The following ARHGEF28 variants were observed in gnomAD, a reference collection of about 807,000 sequenced individuals.
ARHGEF28 encodes 190 kDa guanine nucleotide exchange factor.
ARHGEF28 carries 152 observed loss-of-function variants against 206.6 expected under a neutral mutation model. The ratio of observed to expected loss-of-function variants is 0.74; its 90% confidence interval spans 0.64 to 0.84. The LOEUF (loss-of-function observed/expected upper bound fraction) is 0.84. Among genes scored for constraint, ARHGEF28 ranks in the 40% least tolerant of loss-of-function variants. The pLI is 0.00. For missense variants in ARHGEF28, 2,028 were observed against 2,073.2 expected (o/e 0.98, Z 0.42); for synonymous variants, 763 against 776.4 (o/e 0.98, Z 0.29).
intron 2 of ARHGEF28, among the ~76,000 whole-genome samples, chr5:73,719,147 C>T (rs554495910): frequency 6.6e-6 from 1 of 152,286 alleles, no homozygotes; most frequent in Admixed American, 6.5e-5. Flanking sequence ...GGGCTTTCCC[C>T]CTCTTTTCTT....
At chr5:73,693,613 T>C (rs1323764139) in intron 2 of ARHGEF28, among the ~76,000 whole-genome samples, 1 of 152,234 alleles carries the variant, frequency 6.6e-6, no homozygotes, top group Non-Finnish European at 1.5e-5. Flanking sequence ...TTTGCCTGAA[T>C]GCAACTTCTA....
intron 9 of ARHGEF28, among the ~76,000 whole-genome samples, chr5:73,811,544 G>A (rs1346583947): frequency 6.6e-6 from 1 of 152,190 alleles, no homozygotes; most frequent in Admixed American, 6.5e-5. Flanking sequence ...AAGAGTGAAT[G>A]TAAATGCTCT....
intron 2 of ARHGEF28, among the ~76,000 whole-genome samples, chr5:73,735,180 TATTA>T (rs575486100): frequency 2.0e-5 from 3 of 151,788 alleles, no homozygotes; most frequent in East Asian, 1.9e-4. Context: ...CTGGCTAATT[TATTA>T]ATTTATTAAG....
intron 2 of ARHGEF28, among the ~76,000 whole-genome samples, chr5:73,728,990 C>T (rs1260846549): frequency 6.6e-6 from 1 of 152,108 alleles, no homozygotes; most frequent in East Asian, 1.9e-4. Context: ...GATAAGAGGC[C>T]TCATAAATAT....
intron 4 of ARHGEF28, among the ~76,000 whole-genome samples, chr5:73,766,757 A>C (rs1752915865): frequency 6.6e-6 from 1 of 152,272 alleles, no homozygotes; most frequent in Non-Finnish European, 1.5e-5. Flanking sequence ...AGGCAATGTA[A>C]GTTATTACCA....
rs1339734602 is a variant in ARHGEF28, at chr5:73,901,255, G to A, written c.4045G>A (p.Asp1349Asn). Residue 1349 changes from aspartate (D) to asparagine (N), a missense_variant, in exon 31 of 36, where the codon GAC (aspartate) becomes AAC (asparagine). Around this residue, in one of 3 missense-constraint regions of ARHGEF28, gnomAD observed 803 missense variants for 768.0 expected, o/e 1.05. Coordinates refer to ENST00000513042, the MANE Select transcript of ARHGEF28 (RefSeq NM_001177693.2). ...TCCCGGGATCCAGGGTGTGGTAACC[G>A]ACTTGGCCGTCTCTGATGCAGGGGA... Reference protein sequence around the residue: ...VDPGIQGVVTDLAVSDAGEKV... With the variant: ...VDPGIQGVVTNLAVSDAGEKV... 6.8e-6 allele frequency: 11 copies of A among 1,613,226 alleles called. No homozygotes were observed. The highest frequency in any genetic ancestry group is 4.5e-5 in the East Asian group (2 of 44,834).
intron 1 of ARHGEF28, among the ~76,000 whole-genome samples, chr5:73,677,019 T>C (rs1746738185): frequency 6.6e-6 from 1 of 152,230 alleles, no homozygotes; most frequent in Admixed American, 6.5e-5. Flanking sequence ...TTGTCTTTTA[T>C]TTACACCATT....
chr5:73,866,086 A>G (rs1759688008), intron 18 of ARHGEF28, 73 bp downstream of exon 18: 6 of 1,207,534 alleles, frequency 5.0e-6, no homozygotes, highest in Middle Eastern at 2.0e-4. Context: ...TTATAAAAAT[A>G]TCTCCTTTTG....
In ARHGEF28 at chr5:73,798,343, C is replaced by G. The variant is rs968854764; in HGVS notation, c.1024+2952C>G. Among the ~76,000 whole-genome samples, 5 of 151,416 alleles carry G rather than the reference C, an allele frequency of 3.3e-5. 1 individual carries two copies. The South Asian group carries it at 1.0e-3, about 31-fold the overall frequency. ...TTCATTCTTTCCATTTTTTTTTGTACCCATCCTTTGTAATGTTTTATTGAC... is the reference window on the plus strand; with the variant it reads ...TTCATTCTTTCCATTTTTTTTTGTAGCCATCCTTTGTAATGTTTTATTGAC... On this transcript the variant is annotated intron_variant, in intron 9 of 35. Coordinates refer to ENST00000513042, the MANE Select transcript of ARHGEF28 (RefSeq NM_001177693.2).
chr5:73,845,563 G>A (rs1397047331), intron 11 of ARHGEF28, among the ~76,000 whole-genome samples: 1 of 152,128 alleles, frequency 6.6e-6, no homozygotes, highest in African/African-American at 2.4e-5. Flanking sequence ...AAACAGCCCA[G>A]TGACTCTGTT....
intron 2 of ARHGEF28, 131 bp downstream of exon 2, chr5:73,685,015 A>AC: frequency 1.2e-6 from 1 of 842,338 alleles, no homozygotes; most frequent in Non-Finnish European, 1.8e-6. Flanking sequence ...ACTGAGCGTT[A>AC]CTGTCTAGTT....
rs182988334 is a variant in ARHGEF28 at position 73,812,180 on chromosome 5, C to G, written c.1024+16789C>G. The stretch of plus-strand genomic sequence containing the variant: ...AAATTAAGTGGTCTCTCCCCTTTCT[C>G]CTCTTCTCCCTGTATGCCTCACTCA... On this transcript the variant is annotated intron_variant, in intron 9 of 35. Coordinates refer to ENST00000513042, the MANE Select transcript of ARHGEF28 (RefSeq NM_001177693.2). Among the ~76,000 whole-genome samples the G allele has an allele frequency of 4.1e-4, 62 of 152,242 alleles. No homozygotes were observed. In the East Asian group the frequency reaches 8.1e-3, roughly 20 times the overall value.
intron 7 of ARHGEF28, 148 bp downstream of exon 7, chr5:73,780,893 G>A: frequency 1.3e-6 from 1 of 745,378 alleles, no homozygotes; most frequent in Admixed American, 2.7e-5. Context: ...AAAGCCCCTG[G>A]GTCCTCGGAC....
intron 2 of ARHGEF28, among the ~76,000 whole-genome samples, chr5:73,690,971 T>G (rs1240882213): frequency 6.6e-6 from 1 of 151,964 alleles, no homozygotes; most frequent in Non-Finnish European, 1.5e-5. Context: ...CGCCGTGTCA[T>G]CCAGGCTGGG....
At chr5:73,760,554 GA>G (rs1308077722) in intron 4 of ARHGEF28, among the ~76,000 whole-genome samples, 1 of 152,162 alleles carries the variant, frequency 6.6e-6, no homozygotes, top group Admixed American at 6.5e-5. Flanking sequence ...ACTAGGGGTG[GA>G]GAGAATGTTC....
chr5:73,676,485 C>T lies in ARHGEF28; in HGVS notation c.-11-8356C>T, dbSNP rs557578089. Among the ~76,000 whole-genome samples, 23 of 152,198 alleles carry T rather than the reference C, an allele frequency of 1.5e-4. No individual in the cohort carries two copies. The South Asian group carries it at 2.7e-3, about 18-fold the overall frequency. On this transcript the variant is annotated intron_variant, in intron 1 of 35. Transcript: ENST00000513042. Reference sequence around the variant, plus strand: ...AACTCCTGACCTCAGGTGATCCACCCGCCTCAGACTCCCAAAGTACTGGGA... The same window carrying T: ...AACTCCTGACCTCAGGTGATCCACCTGCCTCAGACTCCCAAAGTACTGGGA...
At chr5:73,910,310 G>T (rs914886071) in intron 34 of ARHGEF28, among the ~76,000 whole-genome samples, 41 of 150,144 alleles carry the variant, frequency 2.7e-4, no homozygotes, top group Non-Finnish European at 3.7e-4. Context: ...GAACCCATGA[G>T]GCGGAGGTTG....
chr5:73,801,737 T>C (rs1755148518), intron 9 of ARHGEF28, among the ~76,000 whole-genome samples: 1 of 152,134 alleles, frequency 6.6e-6, no homozygotes, highest in South Asian at 2.1e-4. Flanking sequence ...TTCTCTTTTT[T>C]TGGGGAGTTG....
chr5:73,909,232 A>C (rs1423551010), intron 33 of ARHGEF28, 180 bp from the exon 34 acceptor site: 1 of 804,974 alleles, frequency 1.2e-6, no homozygotes, highest in Non-Finnish European at 1.9e-6. Context: ...ACAGATGTAG[A>C]CACACCTCTC....
Sources: gnomAD v4.1 joint callset for allele counts (sites outside exome capture counted in the v4.1 genomes callset) on GRCh38, gnomAD v4.1.1 for gene constraint, gnomAD v4.1.1 regional missense constraint, MANE v1.5 for transcripts, NCBI Gene and HGNC (gene_info 2026-07-23, HGNC 2026-07-21) for gene names.